DLK1: variants seen among roughly 807,000 people sequenced by gnomAD.
DLK1 encodes protein delta homolog 1.
A neutral mutation model predicts 35.2 loss-of-function variants in DLK1; 9 were observed. That is an observed-to-expected ratio of 0.26 (90% CI 0.15 to 0.45). The LOEUF (loss-of-function observed/expected upper bound fraction) is 0.45, where lower values mean the gene tolerates loss of function less well. DLK1 is among the 20% of genes least tolerant of loss of function. The pLI, the probability that DLK1 is intolerant of heterozygous loss-of-function variation, is 1.00. For synonymous variants in DLK1, 231 were observed against 228.4 expected, an observed-to-expected ratio of 1.01 and a Z score of -0.10; for missense variants, 522 against 528.5, an observed-to-expected ratio of 0.99 and a Z score of 0.12.
In DLK1 at chr14:100,734,484, A is replaced by G; in HGVS notation, c.740A>G (p.Lys247Arg). 5 of 1,611,346 alleles carry G rather than the reference A, an allele frequency of 3.1e-6. No homozygotes were observed. The highest frequency in any genetic ancestry group is 1.3e-5 in the African/African-American group (1 of 74,984). ...TTCACAGGTCTCACCTGTGTCAAGA[A>G]GCGCGCGCTGAGCCCCCAGCAGGTC... is the stretch of plus-strand genomic sequence containing the variant. Reference protein sequence around the residue: ...PEFTGLTCVKKRALSPQQVTR... With the variant: ...PEFTGLTCVKRRALSPQQVTR... Residue 247 changes from lysine (K) to arginine (R), a missense_variant, in exon 5 of 5, where the codon AAG becomes AGG. Transcript: ENST00000341267. The surrounding 1 kb of genome is among the most constrained non-coding windows in gnomAD (Gnocchi z 7.4).
Position 100,734,953 on chromosome 14 carries a change from C to T in DLK1, c.*57C>T, listed in dbSNP as rs189304474. ...GGAGTTCCGCAGAGCTTACTATACG[C>T]GGTCTGTCCTAATCTTTGTGGTGTT... On this transcript the variant is annotated 3_prime_UTR_variant, in exon 5 of 5. Coordinates refer to ENST00000341267, the MANE Select transcript of DLK1 (RefSeq NM_003836.7). This position sits in a 1 kb window ranked among gnomAD's most constrained non-coding sequence, Gnocchi z 7.4. The T allele has an allele frequency of 3.3e-5, 50 of 1,516,866 alleles. No individual in the cohort carries two copies. Among genetic ancestry groups the T allele is most frequent in the South Asian group, 1.6e-4 (12 of 77,172 alleles). 94.0% of individuals were successfully genotyped at this position (1,516,866 alleles called of 1,614,324 possible). A position where few individuals can be genotyped will look rare whatever the true frequency, so the allele number is the denominator to read the frequency against.
At chr14:100,730,049 A>G (rs1417363684) in intron 3 of DLK1, among the ~76,000 whole-genome samples, 2 of 152,174 alleles carry the variant, frequency 1.3e-5, no homozygotes, top group Non-Finnish European at 2.9e-5. Context: ...AGGAACACCT[A>G]AGAGCATTTT....
intron 3 of DLK1, 104 bp downstream of exon 3, chr14:100,729,170 C>T (rs1391634263): frequency 6.4e-7 from 1 of 1,555,934 alleles, no homozygotes; most frequent in African/African-American, 1.4e-5. Context: ...CTCACTTCCT[C>T]ATTCCTGCAC....
chr14:100,728,881 C>G, intron 2 of DLK1, 55 bp from the exon 3 acceptor site: 1 of 1,593,886 alleles, frequency 6.3e-7, no homozygotes, highest in Non-Finnish European at 8.6e-7. Context: ...CCTGAGCTGC[C>G]TCTCTACCCC....
rs1009383114 is a variant in DLK1, at chr14:100,732,133, G to A, written c.354G>A (p.Gly118=). The change falls in exon 4 of 5, where the codon GGG becomes GGA. Residue 118 remains glycine, a synonymous_variant. Transcript: ENST00000341267. ...DGLYECSCAP[G]YSGKDCQKKD... ...TCTATGAATGCTCCTGTGCCCCCGG[G>A]TACTCGGGAAAGGACTGCCAGAAAA... 1 of 1,614,126 alleles carries A rather than the reference G, an allele frequency of 6.2e-7. No homozygotes were observed. The highest frequency in any genetic ancestry group is 1.1e-5 in the South Asian group (1 of 91,068).
Position 100,732,021 on chromosome 14 carries a change from G to T in DLK1, c.263-21G>T, listed in dbSNP as rs369631519. On this transcript the variant is annotated intron_variant, in intron 3 of 4. Coordinates refer to ENST00000341267, the MANE Select transcript of DLK1 (RefSeq NM_003836.7). The stretch of plus-strand genomic sequence containing the variant: ...TGTATGGAGAGGAAGCTAAGTTCTC[G>T]TCTTCCCCGTCACCCCGCAGATGTT... 52 of 1,601,122 alleles carry T rather than the reference G, an allele frequency of 3.2e-5. 1 individual carries two copies. In the South Asian group the frequency reaches 5.5e-4, roughly 17 times the overall value.
Position 100,734,685 on chromosome 14 carries a change from C to T in DLK1, c.941C>T (p.Thr314Ile), listed in dbSNP as rs1407198733. 6.2e-7 allele frequency: 1 copy of T among 1,613,980 alleles called. No individual in the cohort carries two copies. Among genetic ancestry groups the T allele is most frequent in the Non-Finnish European group, 8.5e-7 (1 of 1,180,048 alleles). Residue 314 changes from threonine (T) to isoleucine (I), a missense_variant, in exon 5 of 5, where the codon ACC becomes ATC. Coordinates refer to ENST00000341267, the MANE Select transcript of DLK1 (RefSeq NM_003836.7). The surrounding 1 kb of genome is among the most constrained non-coding windows in gnomAD (Gnocchi z 7.4). ...TGCTTCACCATCCTGGGCGTGCTCA[C>T]CAGCCTGGTGGTGCTGGGCACTGTG... The part of the protein sequence containing the change: ...AICFTILGVL[T>I]SLVVLGTVGI...
chr14:100,733,681 G>A (rs2139863866), intron 4 of DLK1, among the ~76,000 whole-genome samples: 1 of 152,310 alleles, frequency 6.6e-6, no homozygotes, highest in East Asian at 1.9e-4. Flanking sequence ...TGGTTCTTCT[G>A]CCCCAGCAGT....
chr14:100,729,082 T>TGTTC lies in DLK1; in HGVS notation c.262+17_262+20dup. ...TGTGATAGAGGTTGGCACTCGCCTT[T>TGTTC]GTTCACCTCAGCTCTGCGTCCTTAC... On this transcript the variant is annotated intron_variant, in intron 3 of 4. Transcript: ENST00000341267. 2 of 1,613,276 alleles carry TGTTC rather than the reference T, an allele frequency of 1.2e-6. No individual in the cohort carries two copies. Among genetic ancestry groups the TGTTC allele is most frequent in the Non-Finnish European group, 1.7e-6 (2 of 1,180,032 alleles).
rs777668150 is a variant in DLK1 at position 100,734,509 on chromosome 14, C to T, written c.765C>T (p.Val255=). The T allele has an allele frequency of 2.5e-5, 41 of 1,611,058 alleles. No homozygotes were observed. The highest frequency in any genetic ancestry group is 2.3e-4 in the Admixed American group (14 of 59,928). Residue 255 remains valine (V), a synonymous_variant, in exon 5 of 5, where the codon GTC becomes GTT. Coordinates refer to ENST00000341267, the MANE Select transcript of DLK1 (RefSeq NM_003836.7). The surrounding 1 kb of genome is among the most constrained non-coding windows in gnomAD (Gnocchi z 7.4). ...VKKRALSPQQ[V]TRLPSGYGLA... ...AGCGCGCGCTGAGCCCCCAGCAGGT[C>T]ACCCGTCTGCCCAGCGGCTATGGGC...
rs560553404 is a variant in DLK1 at position 100,730,447 on chromosome 14, A to G, written c.262+1381A>G. On this transcript the variant is annotated intron_variant, in intron 3 of 4. Transcript: ENST00000341267. ...AGGCAGCCAGCTTGGGGATGGCCAG[A>G]GAGTCTGGGGTCCCAGAGAAGACAT... 1.1e-4 allele frequency among the ~76,000 whole-genome samples: 17 copies of G among 152,324 alleles called. No individual in the cohort carries two copies. In the South Asian group the frequency reaches 3.3e-3, roughly 30 times the overall value.
At chr14:100,727,161 C>A in intron 1 of DLK1, 26 bp downstream of exon 1, 1 of 1,545,394 alleles carries the variant, frequency 6.5e-7, no homozygotes. Context: ...GCCCGGCTCG[C>A]GCCCCCTCTG....
intron 3 of DLK1, chr14:100,729,324 G>C (rs1481354106): frequency 3.0e-6 from 2 of 662,414 alleles, no homozygotes; most frequent in Non-Finnish European, 5.4e-6. Context: ...GGGCCAGGGA[G>C]CTGCCTGTTG....
Position 100,735,190 on chromosome 14 carries a change from A to C in DLK1, c.*294A>C. 1 of 286,744 alleles carries C rather than the reference A, an allele frequency of 3.5e-6. No homozygotes were observed. Among genetic ancestry groups the C allele is most frequent in the Non-Finnish European group, 6.3e-6 (1 of 159,660 alleles). 17.8% of individuals were successfully genotyped at this position (286,744 alleles called of 1,614,324 possible). A position where few individuals can be genotyped will look rare whatever the true frequency, so the allele number is the denominator to read the frequency against. ...AAATGAAATTTCAAAAAAGACCAAAAAAAAACAAGGCAACAGAACCAGGGC... is the reference window on the plus strand; with the variant it reads ...AAATGAAATTTCAAAAAAGACCAAACAAAAACAAGGCAACAGAACCAGGGC... On this transcript the variant is annotated 3_prime_UTR_variant, in exon 5 of 5. Transcript: ENST00000341267.
intron 4 of DLK1, 47 bp downstream of exon 4, chr14:100,732,230 C>A (rs142237944): frequency 1.3e-6 from 2 of 1,586,808 alleles, no homozygotes; most frequent in Non-Finnish European, 8.6e-7. Context: ...GCTTTTCATG[C>A]GGCCACCAAA....
In DLK1 at chr14:100,734,628, A is replaced by G. The variant is rs1475404196; in HGVS notation, c.884A>G (p.Lys295Arg). 6.2e-7 allele frequency: 1 copy of G among 1,613,762 alleles called. No individual in the cohort carries two copies. The highest frequency in any genetic ancestry group is 8.5e-7 in the Non-Finnish European group (1 of 1,180,014). The change falls in exon 5 of 5, where the codon AAA becomes AGA. Residue 295 changes from lysine to arginine, a missense_variant. By Grantham distance (26) the Lys-to-Arg change is conservative. Coordinates refer to ENST00000341267, the MANE Select transcript of DLK1 (RefSeq NM_003836.7). This position sits in a 1 kb window ranked among gnomAD's most constrained non-coding sequence, Gnocchi z 7.4. ...GTGTCCATGAAAGAGCTCAACAAGA[A>G]AACCCCTCTCCTCACCGAGGGCCAG... ...LKVSMKELNK[K>R]TPLLTEGQAI...
intron 4 of DLK1, 131 bp downstream of exon 4, chr14:100,732,314 G>T: frequency 1.4e-6 from 2 of 1,379,654 alleles, no homozygotes; most frequent in South Asian, 3.0e-5. Context: ...TGGCAGCCCC[G>T]TAGGGGACCG....
At chr14:100,733,143 A>T (rs996623380) in intron 4 of DLK1, among the ~76,000 whole-genome samples, 3 of 152,378 alleles carry the variant, frequency 2.0e-5, no homozygotes, top group East Asian at 1.9e-4. Flanking sequence ...ATTTCTGCTT[A>T]TTAGCAGGAA....
chr14:100,733,853 C>T (rs1042864621), intron 4 of DLK1, among the ~76,000 whole-genome samples: 2 of 152,168 alleles, frequency 1.3e-5, no homozygotes, highest in South Asian at 4.1e-4. Flanking sequence ...CGTGGGCATC[C>T]TGGCATGGGA....
Sources: gnomAD v4.1 joint callset for allele counts (sites outside exome capture counted in the v4.1 genomes callset) on GRCh38, gnomAD v4.1.1 for gene constraint, Gnocchi (gnomAD v3.1) non-coding constraint, MANE v1.5 for transcripts, NCBI Gene and HGNC (gene_info 2026-07-23, HGNC 2026-07-21) for gene names.